The following SUPT3H variants were observed in gnomAD, a reference collection of about 807,000 sequenced individuals.
SUPT3H encodes the protein transcription initiation protein SPT3 homolog.
SUPT3H carries 44 observed loss-of-function variants against 44.3 expected under a neutral mutation model. The observed-to-expected ratio is 0.99, with a 90% CI of 0.78 to 1.28. The LOEUF (loss-of-function observed/expected upper bound fraction) is 1.28. Among genes scored for constraint, SUPT3H ranks in the 50% most tolerant of loss-of-function variants. The probability of loss-of-function intolerance (pLI) is 0.00; values close to 1 mark genes in which losing one functional copy is unlikely to be tolerated. For missense variants in SUPT3H, 380 were observed against 387.1 expected, an observed-to-expected ratio of 0.98 and a Z score of 0.15; for synonymous variants, 124 against 125.6, an observed-to-expected ratio of 0.99 and a Z score of 0.09.
At chr6:45,361,854 C>T (rs1431673885) in intron 2 of SUPT3H, among the ~76,000 whole-genome samples, 1 of 152,104 alleles carries the variant, frequency 6.6e-6, no homozygotes, top group Non-Finnish European at 1.5e-5. Context: ...AGTTTGAGAC[C>T]AGCCTGGCCA....
chr6:45,224,177 A>G (rs1298182614), intron 2 of SUPT3H, among the ~76,000 whole-genome samples: 2 of 151,784 alleles, frequency 1.3e-5, no homozygotes, highest in Non-Finnish European at 2.9e-5. Context: ...ATTAAAACTA[A>G]TATCATTCTT....
chr6:45,097,546 G>A (rs1797962242), intron 3 of SUPT3H: 1 of 152,262 alleles, frequency 6.6e-6, no homozygotes, highest in African/African-American at 2.4e-5. Flanking sequence ...TGATTTGTGA[G>A]AAATTCAACT....
intron 10 of SUPT3H, among the ~76,000 whole-genome samples, chr6:44,888,946 A>C (rs1762800882): frequency 1.1e-5 from 1 of 93,656 alleles, no homozygotes; most frequent in Non-Finnish European, 2.2e-5. Context: ...ATGTATAAAA[A>C]TCACAAGCAT....
At chr6:45,176,394 T>G (rs543202392) in intron 2 of SUPT3H, among the ~76,000 whole-genome samples, 1 of 152,160 alleles carries the variant, frequency 6.6e-6, no homozygotes, top group East Asian at 1.9e-4. Context: ...AACCATGAGA[T>G]TATATCTCAC....
At chr6:45,134,379 T>C (rs186974393) in intron 2 of SUPT3H, among the ~76,000 whole-genome samples, 1 of 152,316 alleles carries the variant, frequency 6.6e-6, no homozygotes, top group African/African-American at 2.4e-5. Context: ...CATGAACTTT[T>C]AGGGATACAT....
At chr6:44,836,465 T>TA (rs1341536398) in intron 10 of SUPT3H, among the ~76,000 whole-genome samples, 1 of 152,082 alleles carries the variant, frequency 6.6e-6, no homozygotes, top group Non-Finnish European at 1.5e-5. Context: ...GAAAAAAACA[T>TA]AGTATTAACT....
chr6:45,051,949 T>C (rs1407980983), intron 3 of SUPT3H, among the ~76,000 whole-genome samples: 13 of 152,038 alleles, frequency 8.6e-5, no homozygotes, highest in Admixed American at 5.2e-4. Flanking sequence ...ACAGTGCCAT[T>C]GGAGAGAAAA....
At chr6:44,996,881 A>T (rs538940243) in intron 6 of SUPT3H, among the ~76,000 whole-genome samples, 6 of 151,892 alleles carry the variant, frequency 4.0e-5, no homozygotes, top group African/African-American at 1.4e-4. Context: ...CTTTTTCAGT[A>T]GTTCTATAAT....
chr6:45,243,401 T>C (rs1770756673), intron 2 of SUPT3H, among the ~76,000 whole-genome samples: 1 of 151,520 alleles, frequency 6.6e-6, no homozygotes, highest in African/African-American at 2.4e-5. Context: ...TGAATGAAAA[T>C]CAAATAGAAA....
intron 2 of SUPT3H, among the ~76,000 whole-genome samples, chr6:45,234,079 G>T (rs1167688006): frequency 6.6e-6 from 1 of 152,070 alleles, no homozygotes; most frequent in East Asian, 1.9e-4. Context: ...GTTATTAGAA[G>T]TACTCTCTTT....
intron 2 of SUPT3H, among the ~76,000 whole-genome samples, chr6:45,283,137 A>T (rs1778493593): frequency 6.6e-6 from 1 of 152,212 alleles, no homozygotes. Flanking sequence ...AAACATGCCA[A>T]ATTGTAAAGA....
chr6:44,928,993 TC>T (rs1220669339), intron 10 of SUPT3H, among the ~76,000 whole-genome samples: 6 of 151,502 alleles, frequency 4.0e-5, no homozygotes, highest in Non-Finnish European at 7.4e-5. Flanking sequence ...ATGGTGTGTG[TC>T]TCCACAGCAC....
At chr6:44,898,246 T>A (rs1241389741) in intron 10 of SUPT3H, among the ~76,000 whole-genome samples, 2 of 152,176 alleles carry the variant, frequency 1.3e-5, no homozygotes, top group African/African-American at 2.4e-5. Flanking sequence ...TTCATGCCCT[T>A]ATGTATAGTT....
chr6:45,128,227 C>T lies in SUPT3H; in HGVS notation c.102-22221G>A, dbSNP rs1213632521. Among the ~76,000 whole-genome samples the T allele has an allele frequency of 2.0e-5, 3 of 151,724 alleles. No homozygotes were observed. The East Asian group carries it at 5.8e-4, about 29-fold the overall frequency. ...CTGTCTTAGAAAATATAATTATCAG[C>T]CAGGTTCAGTGGCTCACGCCTGTAA... On this transcript the variant is annotated intron_variant, in intron 2 of 10. Transcript: ENST00000371459.
At chr6:44,891,429 C>T (rs1217381012) in intron 10 of SUPT3H, among the ~76,000 whole-genome samples, 2 of 152,058 alleles carry the variant, frequency 1.3e-5, no homozygotes, top group Non-Finnish European at 1.5e-5. Flanking sequence ...TAAAAGGGAA[C>T]AAAATTCTGA....
intron 10 of SUPT3H, among the ~76,000 whole-genome samples, chr6:44,862,988 G>T (rs1774914302): frequency 6.6e-6 from 1 of 152,276 alleles, no homozygotes; most frequent in Admixed American, 6.5e-5. Flanking sequence ...CACAAGGTTT[G>T]CCTGCAGCTG....
At chr6:45,226,357 C>T (rs1457454863) in intron 2 of SUPT3H, among the ~76,000 whole-genome samples, 6 of 151,850 alleles carry the variant, frequency 4.0e-5, no homozygotes, top group Admixed American at 6.6e-5. Context: ...GTGTGTATAA[C>T]GTTTACTCAA....
chr6:45,279,586 T>C (rs1777606991), intron 2 of SUPT3H, among the ~76,000 whole-genome samples: 1 of 152,166 alleles, frequency 6.6e-6, no homozygotes, highest in South Asian at 2.1e-4. Flanking sequence ...AGCTCACCCT[T>C]TGCCTTCCAC....
Position 45,081,450 on chromosome 6 carries a change from A to G in SUPT3H, c.186+24472T>C, listed in dbSNP as rs73737874. On this transcript the variant is annotated intron_variant, in intron 3 of 10. Coordinates refer to ENST00000371459, the MANE Select transcript of SUPT3H (RefSeq NM_003599.4). The stretch of plus-strand genomic sequence containing the variant: ...TATTTCCTTCATAGTAGTTAACACT[A>G]TGTGATACTATTTATTCATTTACTT... Among the ~76,000 whole-genome samples, 1,310 of 152,220 alleles carry G rather than the reference A, an allele frequency of 8.6e-3. 23 individuals are homozygous for G. Among genetic ancestry groups the G allele is most frequent in the African/African-American group, 0.03 (1,233 of 41,550 alleles).
Sources: gnomAD v4.1 joint callset for allele counts (sites outside exome capture counted in the v4.1 genomes callset) on GRCh38, gnomAD v4.1.1 for gene constraint, MANE v1.5 for transcripts, NCBI Gene and HGNC (gene_info 2026-07-23, HGNC 2026-07-21) for gene names.